The following MAMLD1 variants were observed in gnomAD, a reference collection of about 807,000 sequenced individuals.
MAMLD1 encodes the protein mastermind like domain containing 1, also known as mastermind-like domain-containing protein 1.
A neutral mutation model predicts 45.0 loss-of-function variants in MAMLD1; 14 were observed. That is an observed-to-expected ratio of 0.31 (90% CI 0.21 to 0.49). The LOEUF is 0.49. MAMLD1 is among the 20% of genes least tolerant of loss of function. The probability of loss-of-function intolerance (pLI) is 0.99; values close to 1 mark genes in which losing one functional copy is unlikely to be tolerated. For missense variants in MAMLD1, 543 were observed against 603.6 expected (o/e 0.90, Z 1.05); for synonymous variants, 254 against 247.8 (o/e 1.02, Z -0.24).
intron 5 of MAMLD1, among the ~76,000 whole-genome samples, chrX:150,491,071 G>A (rs1557407928): frequency 9.0e-6 from 1 of 111,439 alleles, no homozygotes; most frequent in East Asian, 2.8e-4. Flanking sequence ...TAGGGGTGGA[G>A]GGCTGAACCG....
chrX:150,477,948 C>T (rs926373777), intron 5 of MAMLD1, among the ~76,000 whole-genome samples: 2 of 111,460 alleles, frequency 1.8e-5, no homozygotes, highest in African/African-American at 6.5e-5. Context: ...GCACAGAGCA[C>T]GCATCCTGAG....
In MAMLD1 at chrX:150,399,410, T is replaced by C. The variant is rs782097966; in HGVS notation, c.-64+35880T>C. On this transcript the variant is annotated intron_variant, in intron 1 of 7. Transcript: ENST00000370401. ...GACTTGAATTGGGCTGTGAGTTGAA[T>C]TGTGTCCCCCAAAACAATACATTGA... Among the ~76,000 whole-genome samples, 4 of 112,205 alleles carry C rather than the reference T, an allele frequency of 3.6e-5. No homozygotes were observed. In the South Asian group the frequency reaches 1.5e-3, roughly 42 times the overall value.
intron 2 of MAMLD1, among the ~76,000 whole-genome samples, chrX:150,457,641 CA>C (rs782161462): frequency 3.6e-3 from 402 of 112,370 alleles, no homozygotes; most frequent in African/African-American, 0.012. Context: ...TATTTGGCCA[CA>C]AAAGGAACGG....
At chrX:150,374,271 A>G (rs1334838238) in intron 1 of MAMLD1, among the ~76,000 whole-genome samples, 5 of 112,690 alleles carry the variant, frequency 4.4e-5, no homozygotes, top group Non-Finnish European at 7.5e-5. Flanking sequence ...AAGCCTCAAT[A>G]TGAGCTTTCG....
In MAMLD1 at chrX:150,375,092, A is replaced by G. The variant is rs1202226371; in HGVS notation, c.-64+11562A>G. ...TGGACTCCATTCAAATAAGACTTCC[A>G]CAACCTTCCCCGTCTAACCCTGGAA... is the stretch of plus-strand genomic sequence containing the variant. On this transcript the variant is annotated intron_variant, in intron 1 of 7. Transcript: ENST00000370401. Among the ~76,000 whole-genome samples, 10 of 110,719 alleles carry G rather than the reference A, an allele frequency of 9.0e-5. No homozygotes were observed. The East Asian group carries it at 2.9e-3, about 32-fold the overall frequency.
chrX:150,394,345 T>A (rs1360242055), intron 1 of MAMLD1, among the ~76,000 whole-genome samples: 4 of 109,800 alleles, frequency 3.6e-5, no homozygotes, highest in African/African-American at 1.3e-4. Context: ...GATTATTCTA[T>A]CTTTATAGTA....
chrX:150,482,355 A>G (rs2036843278), intron 5 of MAMLD1, among the ~76,000 whole-genome samples: 1 of 112,086 alleles, frequency 8.9e-6, no homozygotes, highest in Non-Finnish European at 1.9e-5. Flanking sequence ...GACAGGGGCT[A>G]GGGGAGGGAG....
chrX:150,421,713 G>A (rs151284318), intron 1 of MAMLD1, among the ~76,000 whole-genome samples: 1,745 of 112,313 alleles, frequency 0.016, 36 homozygotes, highest in African/African-American at 0.053. Context: ...TTTCTTTTTA[G>A]AACGTGTTGG....
chrX:150,462,906 C>T lies in MAMLD1; in HGVS notation c.171+60C>T. On this transcript the variant is annotated intron_variant, in intron 3 of 7. Coordinates refer to ENST00000370401, the MANE Select transcript of MAMLD1 (RefSeq NM_005491.5). ...ACTTTACAGTGGGGAAACTGAGGCC[C>T]CGAGTGTGAAAGGGACCTACAAGAG... 3 of 940,920 alleles carry T rather than the reference C, an allele frequency of 3.2e-6. No individual in the cohort carries two copies. In the South Asian group the frequency reaches 6.0e-5, roughly 19 times the overall value. The allele number at this position is 940,920 out of a possible 1,213,427, so 77.5% of individuals were successfully genotyped here. A position where few individuals can be genotyped will look rare whatever the true frequency, so the allele number is the denominator to read the frequency against.
intron 7 of MAMLD1, among the ~76,000 whole-genome samples, chrX:150,511,601 C>T (rs1425023559): frequency 8.9e-6 from 1 of 112,075 alleles, no homozygotes; most frequent in Non-Finnish European, 1.9e-5. Flanking sequence ...CCCACCTGGC[C>T]CCTTCCTTCC....
rs1557402599 is a variant in MAMLD1, at chrX:150,404,051, A to AAAGGAAGGAAGGAAGGAAGGAAGG, written c.-64+40535_-64+40536insGGAAGGAAGGAAGGAAGGAAGGAA. Among the ~76,000 whole-genome samples, 126 of 87,407 alleles carry AAAGGAAGGAAGGAAGGAAGGAAGG rather than the reference A, an allele frequency of 1.4e-3. 8 individuals are homozygous for AAAGGAAGGAAGGAAGGAAGGAAGG. Among genetic ancestry groups the AAAGGAAGGAAGGAAGGAAGGAAGG allele is most frequent in the African/African-American group, 5.3e-3 (119 of 22,264 alleles). 75.9% of individuals were successfully genotyped at this position (87,407 alleles called of 115,157 possible). A position where few individuals can be genotyped will look rare whatever the true frequency, so the allele number is the denominator to read the frequency against. On this transcript the variant is annotated intron_variant, in intron 1 of 7. Coordinates refer to ENST00000370401, the MANE Select transcript of MAMLD1 (RefSeq NM_005491.5). Reference sequence around the variant, plus strand: ...GGAGGAAGGGAGGAAGGAAGGAAGGAAAGGAAGGAAGGAAAGGAGGGAGGG... The same window carrying AAAGGAAGGAAGGAAGGAAGGAAGG: ...GGAGGAAGGGAGGAAGGAAGGAAGGAAAGGAAGGAAGGAAGGAAGGAAGGAAGGAAGGAAGGAAAGGAGGGAGGG...
intron 5 of MAMLD1, among the ~76,000 whole-genome samples, chrX:150,492,925 A>G (rs2037233199): frequency 9.0e-6 from 1 of 111,722 alleles, no homozygotes; most frequent in African/African-American, 3.3e-5. Context: ...AGGTGGCCCC[A>G]GGAAAACCAG....
At chrX:150,372,894 G>T (rs1218341920) in intron 1 of MAMLD1, among the ~76,000 whole-genome samples, 1 of 111,827 alleles carries the variant, frequency 8.9e-6, no homozygotes, top group Admixed American at 9.4e-5. Flanking sequence ...AGACACAAAG[G>T]TAACACCCGA....
intron 2 of MAMLD1, among the ~76,000 whole-genome samples, chrX:150,452,464 T>C (rs1251313620): frequency 9.0e-6 from 1 of 111,013 alleles, no homozygotes; most frequent in Non-Finnish European, 1.9e-5. Context: ...TGTATTATCA[T>C]AGAGACCCTT....
At chrX:150,499,409 T>C (rs1365010805) in intron 5 of MAMLD1, among the ~76,000 whole-genome samples, 1 of 111,613 alleles carries the variant, frequency 9.0e-6, no homozygotes, top group Non-Finnish European at 1.9e-5. Flanking sequence ...GTCAATAATT[T>C]ATAAAGCCAG....
chrX:150,483,024 A>G (rs1463651583), intron 5 of MAMLD1, among the ~76,000 whole-genome samples: 1 of 111,998 alleles, frequency 8.9e-6, no homozygotes, highest in Non-Finnish European at 1.9e-5. Context: ...GCTGCTAGTG[A>G]CTCGCCATCT....
chrX:150,473,229 C>T (rs915672569), intron 4 of MAMLD1, among the ~76,000 whole-genome samples: 2 of 112,319 alleles, frequency 1.8e-5, no homozygotes, highest in Admixed American at 1.9e-4. Context: ...TCTCTCCTGT[C>T]CAACACCTGC....
rs1477975096 is a variant in MAMLD1 at position 150,432,503 on chromosome X, G to C, written c.-63-12951G>C. On this transcript the variant is annotated intron_variant, in intron 1 of 7. Transcript: ENST00000370401. Reference sequence around the variant, plus strand: ...ATAAAATCTTTGCCAGAGCCTATATGCAGAATGATATTTCCTAAGTTATCT... The same window carrying C: ...ATAAAATCTTTGCCAGAGCCTATATCCAGAATGATATTTCCTAAGTTATCT... 2.7e-5 allele frequency among the ~76,000 whole-genome samples: 3 copies of C among 111,731 alleles called. No homozygotes were observed. The East Asian group carries it at 8.4e-4, about 31-fold the overall frequency.
intron 2 of MAMLD1, 109 bp from the exon 3 acceptor site, chrX:150,462,663 A>G: frequency 1.7e-6 from 1 of 578,693 alleles, no homozygotes; most frequent in Middle Eastern, 4.0e-4. Context: ...GAGGCTCATA[A>G]TTTGATTCAA....
Sources: allele counts gnomAD v4.1 joint callset (sites outside exome capture counted in the v4.1 genomes callset), GRCh38; gene constraint gnomAD v4.1.1; transcripts MANE v1.5; gene names NCBI Gene and HGNC (gene_info 2026-07-23, HGNC 2026-07-21).